TRIO: variants seen among roughly 807,000 people sequenced by gnomAD.
TRIO encodes trio Rho guanine nucleotide exchange factor, also known as triple functional domain protein.
A neutral mutation model predicts 351.9 loss-of-function variants in TRIO; 58 were observed. That is an observed-to-expected ratio of 0.16 (90% CI 0.13 to 0.21). The LOEUF (loss-of-function observed/expected upper bound fraction) is 0.21. Ranked by LOEUF, TRIO falls within the 10% of genes least tolerant of loss-of-function variation. The pLI is 1.00. For synonymous variants in TRIO, 1,758 were observed against 1,595.7 expected (o/e 1.10, Z -2.42); for missense variants, 3,201 against 4,027.8 (o/e 0.79, Z 5.56).
intron 49 of TRIO, among the ~76,000 whole-genome samples, chr5:14,493,462 AG>A (rs1311349908): frequency 6.6e-6 from 1 of 152,180 alleles, no homozygotes; most frequent in Non-Finnish European, 1.5e-5. Context: ...GGTGATATGT[AG>A]TTAGTGATGT....
chr5:14,347,416 A>AGATGATGCTGGACCAGTCATCT (rs1742519736), intron 11 of TRIO, among the ~76,000 whole-genome samples: 4 of 152,098 alleles, frequency 2.6e-5, no homozygotes, highest in African/African-American at 9.7e-5. Context: ...TGCAGAACAG[A>AGATGATGCTGGACCAGTCATCT]CTAGTTTAAT....
intron 21 of TRIO, among the ~76,000 whole-genome samples, chr5:14,385,979 G>A (rs561520029): frequency 2.6e-5 from 4 of 152,246 alleles, no homozygotes; most frequent in Non-Finnish European, 1.5e-5. Context: ...TGTAAGAGAT[G>A]TTAGTGAAAC....
chr5:14,489,852 T>G (rs1756353350), intron 48 of TRIO, among the ~76,000 whole-genome samples: 1 of 152,176 alleles, frequency 6.6e-6, no homozygotes, highest in African/African-American at 2.4e-5. Context: ...TCTCTTTCTC[T>G]TCCTACTTGT....
chr5:14,313,977 T>C (rs1561327435), intron 8 of TRIO, among the ~76,000 whole-genome samples: 1 of 152,208 alleles, frequency 6.6e-6, no homozygotes, highest in Non-Finnish European at 1.5e-5. Context: ...AAGTGGACTT[T>C]GGGGAAGCAG....
chr5:14,465,470 G>A, intron 36 of TRIO, 75 bp from the exon 37 acceptor site: 1 of 1,412,026 alleles, frequency 7.1e-7, no homozygotes, highest in Non-Finnish European at 1.0e-6. Context: ...GGAGCTTGCA[G>A]GGGAATTTAC....
chr5:14,340,133 G>A (rs577639875), intron 11 of TRIO, among the ~76,000 whole-genome samples: 23 of 152,246 alleles, frequency 1.5e-4, no homozygotes, highest in African/African-American at 5.3e-4. Context: ...GGTGATTCAC[G>A]CCTGTAATCC....
intron 16 of TRIO, among the ~76,000 whole-genome samples, chr5:14,367,319 C>T (rs1579445312): frequency 6.6e-6 from 1 of 152,154 alleles, no homozygotes. Flanking sequence ...AACCGAGGAG[C>T]CCACGTTGCA....
At chr5:14,409,564 G>A (rs1218203147) in intron 33 of TRIO, among the ~76,000 whole-genome samples, 2 of 151,942 alleles carry the variant, frequency 1.3e-5, no homozygotes, top group South Asian at 2.1e-4. Context: ...TGAGCACGCG[G>A]TGGCTCACGC....
At chr5:14,230,831 TGTGTA>T (rs1793374193) in intron 1 of TRIO, among the ~76,000 whole-genome samples, 2 of 152,204 alleles carry the variant, frequency 1.3e-5, no homozygotes, top group African/African-American at 4.8e-5. Flanking sequence ...GCACTGGAAA[TGTGTA>T]GTGTACTGTT....
chr5:14,390,696 G>A (rs879540535), intron 26 of TRIO, among the ~76,000 whole-genome samples: 6 of 152,158 alleles, frequency 3.9e-5, no homozygotes, highest in South Asian at 2.1e-4. Context: ...TGCTCAGCCC[G>A]ACGTGTCGGG....
At chr5:14,476,810 A>C in intron 40 of TRIO, 84 bp from the exon 41 acceptor site, 1 of 1,028,754 alleles carries the variant, frequency 9.7e-7, no homozygotes. Context: ...AAAAGAAAAA[A>C]AGAAAAAGAA....
chr5:14,444,503 A>G (rs562029395), intron 34 of TRIO, among the ~76,000 whole-genome samples: 2 of 152,332 alleles, frequency 1.3e-5, no homozygotes, highest in East Asian at 3.9e-4. Flanking sequence ...TGTAGAAGCC[A>G]GTTTGTCCCT....
rs543675485 is a variant in TRIO at position 14,335,689 on chromosome 5, G to A, written c.1855-847G>A. On this transcript the variant is annotated intron_variant, in intron 10 of 56. Coordinates refer to ENST00000344204, the MANE Select transcript of TRIO (RefSeq NM_007118.4). ...CCTTTTTCTCAAAAAATGTGGCCAG[G>A]CAAAGTGGTTCATGCCTGTAATCCT... Among the ~76,000 whole-genome samples, 7 of 152,324 alleles carry A rather than the reference G, an allele frequency of 4.6e-5. No individual in the cohort carries two copies. The South Asian group carries it at 1.4e-3, about 32-fold the overall frequency.
intron 34 of TRIO, among the ~76,000 whole-genome samples, chr5:14,428,903 C>G (rs986879235): frequency 5.3e-5 from 8 of 152,170 alleles, no homozygotes; most frequent in Non-Finnish European, 8.8e-5. Context: ...CAAGCAGGGC[C>G]ACACAGGTAC....
intron 1 of TRIO, among the ~76,000 whole-genome samples, chr5:14,187,518 G>A (rs1790196127): frequency 6.6e-6 from 1 of 152,102 alleles, no homozygotes; most frequent in African/African-American, 2.4e-5. Flanking sequence ...CTTTGACTCT[G>A]TTTTTGAAAA....
rs546028603 is a variant in TRIO at position 14,381,049 on chromosome 5, C to T, written c.3448-81C>T. 8.2e-5 allele frequency: 122 copies of T among 1,495,660 alleles called. 2 individuals carry two copies. The South Asian group carries it at 1.6e-3, about 20-fold the overall frequency. 92.6% of individuals were successfully genotyped at this position (1,495,660 alleles called of 1,614,324 possible). ...TGCCAGCCTTGGTTTGTGATTTGAC[C>T]TTTAAATGAGGTGCTCGGGGCTTTG... On this transcript the variant is annotated intron_variant, in intron 20 of 56. Transcript: ENST00000344204.
rs113773389 is a variant in TRIO at position 14,347,373 on chromosome 5, C to A, written c.2046+10646C>A. Among the ~76,000 whole-genome samples, 230 of 116,900 alleles carry A rather than the reference C, an allele frequency of 2.0e-3. 6 individuals carry two copies. The highest frequency in any genetic ancestry group is 9.0e-3 in the African/African-American group (184 of 20,390). 76.7% of individuals were successfully genotyped at this position (116,900 alleles called of 152,430 possible). The stretch of plus-strand genomic sequence containing the variant: ...GAGGTCCTGCAGAACAGAGATGATG[C>A]TGGACCAGTCATCTCAGGTGGACCT... On this transcript the variant is annotated intron_variant, in intron 11 of 56. Coordinates refer to ENST00000344204, the MANE Select transcript of TRIO (RefSeq NM_007118.4).
At position 14,440,883 on chromosome 5, in the gene TRIO, G is replaced by T. The variant is rs540454584; in HGVS notation, c.5204-20136G>T. On this transcript the variant is annotated intron_variant, in intron 34 of 56. Transcript: ENST00000344204. ...AATTGCAGCTCTGGCTAGTGCAGGC[G>T]GGGAGAGACATCTGGTTTCCAGGGT... 4 of 152,306 alleles carry T rather than the reference G, an allele frequency of 2.6e-5. No individual in the cohort carries two copies. In the East Asian group the frequency reaches 5.8e-4, roughly 22 times the overall value. The allele number at this position is 152,306 out of a possible 1,614,324, so 9.4% of individuals were successfully genotyped here.
chr5:14,496,809 T>C, intron 49 of TRIO, 70 bp from the exon 50 acceptor site: 1 of 1,574,488 alleles, frequency 6.4e-7, no homozygotes, highest in East Asian at 2.3e-5. Flanking sequence ...AGCTTTTCTT[T>C]AACGCTTCCA....
Sources: allele counts gnomAD v4.1 joint callset (sites outside exome capture counted in the v4.1 genomes callset), GRCh38; gene constraint gnomAD v4.1.1; transcripts MANE v1.5; gene names NCBI Gene and HGNC (gene_info 2026-07-23, HGNC 2026-07-21).